OXA1L: variants seen among roughly 807,000 people sequenced by gnomAD.
OXA1L encodes the protein mitochondrial inner membrane protein OXA1L.
In OXA1L, 42 loss-of-function variants were observed where a neutral mutation model predicts 52.2. That is an observed-to-expected ratio of 0.80 (90% CI 0.63 to 1.04). The LOEUF is 1.04. OXA1L is among the 50% of genes least tolerant of loss of function. The pLI, the probability that OXA1L is intolerant of heterozygous loss-of-function variation, is 0.00. For synonymous variants in OXA1L, 239 were observed against 201.9 expected (o/e 1.18, Z -1.56); for missense variants, 572 against 555.0 (o/e 1.03, Z -0.31).
Position 22,772,206 on chromosome 14 carries a change from A to T in OXA1L, c.*648A>T, listed in dbSNP as rs919777691. On this transcript the variant is annotated 3_prime_UTR_variant, in exon 10 of 10. Coordinates refer to ENST00000612549, the MANE Select transcript of OXA1L (RefSeq NM_005015.5). ...GCATTAAGGGTTTAAACTTCCACCC[A>T]GGCGCAGTGGCTCACGCCAGTAATC... 6.7e-6 allele frequency: 1 copy of T among 149,764 alleles called. No individual in the cohort carries two copies. The highest frequency in any genetic ancestry group is 2.2e-4 in the South Asian group (1 of 4,610). 9.3% of individuals were successfully genotyped at this position (149,764 alleles called of 1,614,324 possible).
Position 22,771,450 on chromosome 14 carries a change from C to T in OXA1L, c.1200C>T (p.Thr400=), listed in dbSNP as rs141240791. 5.6e-5 allele frequency: 90 copies of T among 1,614,018 alleles called. No homozygotes were observed. Among genetic ancestry groups the T allele is most frequent in the Non-Finnish European group, 7.4e-5 (87 of 1,180,024 alleles). ...ELAARGPLRQ[T]FTHNPLLQPG... is the part of the protein sequence containing the mutation. ...TCCCCTCAGGTCCTTTACGACAGAC[C>T]TTTACCCACAACCCTCTCCTACAAC... is the stretch of plus-strand genomic sequence containing the variant. The change falls in exon 10 of 10, where the codon ACC becomes ACT. Residue 400 remains threonine, a synonymous_variant. Transcript: ENST00000612549.
intron 3 of OXA1L, among the ~76,000 whole-genome samples, chr14:22,769,247 C>A (rs2038436560): frequency 6.6e-6 from 1 of 152,132 alleles, no homozygotes; most frequent in Non-Finnish European, 1.5e-5. Flanking sequence ...TACTCTCTGC[C>A]CATGATTTCA....
rs543080357 is a variant in OXA1L, at chr14:22,772,989, C to G, written c.*1431C>G. 1 of 261,946 alleles carries G rather than the reference C, an allele frequency of 3.8e-6. No homozygotes were observed. Among genetic ancestry groups the G allele is most frequent in the African/African-American group, 2.3e-5 (1 of 44,094 alleles). The allele number at this position is 261,946 out of a possible 1,614,324, so 16.2% of individuals were successfully genotyped here. On this transcript the variant is annotated 3_prime_UTR_variant, in exon 10 of 10. Transcript: ENST00000612549. ...TTGGCTACAGAGCAAGATCCTGTCT[C>G]AAAAAGGAAGTTCATGTCATTTTTA...
At position 22,770,895 on chromosome 14, in the gene OXA1L, A is replaced by C; in HGVS notation, c.925A>C (p.Met309Leu). The C allele has an allele frequency of 1.9e-6, 3 of 1,614,086 alleles. No homozygotes were observed. The highest frequency in any genetic ancestry group is 2.5e-6 in the Non-Finnish European group (3 of 1,179,924). The change falls in exon 7 of 10, where the codon ATG becomes CTG. Residue 309 changes from methionine to leucine, a missense_variant. By Grantham distance (15) the Met-to-Leu change is conservative (BLOSUM62 2). This residue lies in a region of OXA1L where 244 missense variants were observed against 240.2 expected (regional missense o/e 1.02). Coordinates refer to ENST00000612549, the MANE Select transcript of OXA1L (RefSeq NM_005015.5). ...GCCCCTGATAACCTTGCCCATAACC[A>C]TGCATTTCCCCACGGTATGTAATGC... is the stretch of plus-strand genomic sequence containing the variant. ...MMPLITLPIT[M>L]HFPTAVFMYW...
Position 22,769,937 on chromosome 14 carries a change from GAGTC to G in OXA1L, c.583+7_583+10del. On this transcript the variant is annotated splice_donor_5th_base_variant and intron_variant, in intron 4 of 9. Coordinates refer to ENST00000612549, the MANE Select transcript of OXA1L (RefSeq NM_005015.5). ...GTTAGCAGGAGACCATATTGAGTGT[GAGTC>G]AGTTGCAGAATGAGCGTGGGAGAAG... 1 of 1,614,120 alleles carries G rather than the reference GAGTC, an allele frequency of 6.2e-7. No homozygotes were observed. Among genetic ancestry groups the G allele is most frequent in the Non-Finnish European group, 8.5e-7 (1 of 1,179,978 alleles).
In OXA1L at chr14:22,767,918, G is replaced by C. The variant is rs757684299; in HGVS notation, c.226-40G>C. 18 of 1,487,988 alleles carry C rather than the reference G, an allele frequency of 1.2e-5. No individual in the cohort carries two copies. The Admixed American group carries it at 3.1e-4, about 26-fold the overall frequency. The allele number at this position is 1,487,988 out of a possible 1,614,324, so 92.2% of individuals were successfully genotyped here. On this transcript the variant is annotated intron_variant, in intron 2 of 9. Transcript: ENST00000612549. ...AAAAGATCTCACTTGCTTTGTGTTC[G>C]CTACTGAATAAATATAATACAAGGC...
chr14:22,769,606 A>G (rs528352919), intron 3 of OXA1L, among the ~76,000 whole-genome samples, 185 bp from the exon 4 acceptor site: 10 of 152,320 alleles, frequency 6.6e-5, no homozygotes, highest in Non-Finnish European at 1.0e-4. Context: ...TGTGATGCCA[A>G]ATTAGAGAAC....
At position 22,771,024 on chromosome 14, in the gene OXA1L, T is replaced by G. The variant is rs781313816; in HGVS notation, c.946T>G (p.Phe316Val). ...TCTCTGTGTTCTCACCCAGGCAGTGTTTATGTACTGGCTCTCCTCCAATTT... is the reference window on the plus strand; with the variant it reads ...TCTCTGTGTTCTCACCCAGGCAGTGGTTATGTACTGGCTCTCCTCCAATTT... ...PITMHFPTAVFMYWLSSNLFS... is the reference protein window; with the variant it reads ...PITMHFPTAVVMYWLSSNLFS... Residue 316 changes from phenylalanine to valine, a missense_variant, in exon 8 of 10, where the codon TTT (phenylalanine) becomes GTT (valine). Transcript: ENST00000612549. 6.8e-6 allele frequency: 11 copies of G among 1,614,076 alleles called. No individual in the cohort carries two copies. Among genetic ancestry groups the G allele is most frequent in the Non-Finnish European group, 7.6e-6 (9 of 1,180,024 alleles).
At position 22,770,936 on chromosome 14, in the gene OXA1L, C is replaced by T. The variant is rs148202033; in HGVS notation, c.939+27C>T. ...TATGTAATGCCTTATGGGCTGGCTC[C>T]AAGGCCTTCTGCCTAGCCTAGCCAC... On this transcript the variant is annotated intron_variant, in intron 7 of 9. Transcript: ENST00000612549. 1.5e-3 allele frequency: 2,412 copies of T among 1,611,356 alleles called. 23 individuals are homozygous for T. In the African/African-American group the frequency reaches 0.025, roughly 17 times the overall value.
Position 22,768,100 on chromosome 14 carries a change from G to C in OXA1L, c.368G>C (p.Gly123Ala). 1 of 1,614,170 alleles carries C rather than the reference G, an allele frequency of 6.2e-7. No individual in the cohort carries two copies. Among genetic ancestry groups the C allele is most frequent in the Non-Finnish European group, 8.5e-7 (1 of 1,179,994 alleles). Residue 123 changes from glycine (G) to alanine (A), a missense_variant, in exon 3 of 10, where the codon GGA (glycine) becomes GCA (alanine). Coordinates refer to ENST00000612549, the MANE Select transcript of OXA1L (RefSeq NM_005015.5). ...GGGCTGGGGTCATACACCCCAGTGG[G>C]ACTGATCCAGAATTTACTGGAATTT... ...ELGLGSYTPV[G>A]LIQNLLEFMH... is the part of the protein sequence containing the mutation.
chr14:22,767,506 T>C, intron 2 of OXA1L, 97 bp downstream of exon 2: 1 of 1,070,734 alleles, frequency 9.3e-7, no homozygotes. Flanking sequence ...TGGAGCAGAG[T>C]TCTTGTCCAC....
At chr14:22,767,132 C>T (rs549935861) in intron 1 of OXA1L, 116 bp from the exon 2 acceptor site, 4 of 1,526,078 alleles carry the variant, frequency 2.6e-6, no homozygotes, top group Non-Finnish European at 2.6e-6. Flanking sequence ...AATGTCCTCC[C>T]CTGTAGTGGC....
rs1346001769 is a variant in OXA1L at position 22,771,697 on chromosome 14, G to A, written c.*139G>A. 6.8e-6 allele frequency: 6 copies of A among 885,632 alleles called. No individual in the cohort carries two copies. The highest frequency in any genetic ancestry group is 1.1e-5 in the Non-Finnish European group (6 of 559,444). The allele number at this position is 885,632 out of a possible 1,614,324, so 54.9% of individuals were successfully genotyped here. ...TGTTCATTTTAAAAACGGATTTCAT[G>A]AAACACTCTTGTACTTATGTTTATA... is the stretch of plus-strand genomic sequence containing the variant. On this transcript the variant is annotated 3_prime_UTR_variant, in exon 10 of 10. Coordinates refer to ENST00000612549, the MANE Select transcript of OXA1L (RefSeq NM_005015.5).
Position 22,768,033 on chromosome 14 carries a change from G to A in OXA1L, c.301G>A (p.Asp101Asn). ...VPEVASGETADVVQTAAEQSF... is the reference protein window; with the variant it reads ...VPEVASGETANVVQTAAEQSF... ...TGAGGTGGCTTCTGGAGAGACTGCAGATGTAGTCCAAACTGCTGCAGAGCA... is the reference window on the plus strand; with the variant it reads ...TGAGGTGGCTTCTGGAGAGACTGCAAATGTAGTCCAAACTGCTGCAGAGCA... The change falls in exon 3 of 10, where the codon GAT becomes AAT. Residue 101 changes from aspartate (D) to asparagine (N), a missense_variant. This residue lies in a region of OXA1L where 186 missense variants were observed against 151.8 expected (regional missense o/e 1.23). Transcript: ENST00000612549. The A allele has an allele frequency of 1.9e-6, 3 of 1,614,230 alleles. No individual in the cohort carries two copies. The highest frequency in any genetic ancestry group is 1.3e-5 in the African/African-American group (1 of 75,076).
intron 6 of OXA1L, 90 bp downstream of exon 6, chr14:22,770,715 C>G: frequency 1.9e-6 from 3 of 1,546,694 alleles, no homozygotes; most frequent in Non-Finnish European, 2.7e-6. Flanking sequence ...CCTTCACTTG[C>G]TGGAGAAAGA....
In OXA1L at chr14:22,771,357, T is replaced by A; in HGVS notation, c.1183+9T>A. The A allele has an allele frequency of 1.2e-6, 2 of 1,614,032 alleles. No homozygotes were observed. The highest frequency in any genetic ancestry group is 1.7e-6 in the Non-Finnish European group (2 of 1,179,844). ...GGAGCTAGCAGCCAGGGGTAAATAG[T>A]CCTTTCAGGCCAAATTCTGTCTTTT... On this transcript the variant is annotated intron_variant, in intron 9 of 9. Coordinates refer to ENST00000612549, the MANE Select transcript of OXA1L (RefSeq NM_005015.5).
Position 22,769,926 on chromosome 14 carries a change from A to C in OXA1L, c.575A>C (p.His192Pro). 2 of 1,614,184 alleles carry C rather than the reference A, an allele frequency of 1.2e-6. No individual in the cohort carries two copies. The highest frequency in any genetic ancestry group is 8.5e-7 in the Non-Finnish European group (1 of 1,180,032). ...AGAGAGGCCAAGTTAGCAGGAGACC[A>C]TATTGAGTGTGAGTCAGTTGCAGAA... ...RIREAKLAGD[H>P]IEYYKASSEM... The change falls in exon 4 of 10, where the codon CAT becomes CCT. Residue 192 changes from histidine to proline, a missense_variant. His to Pro is a moderately conservative substitution (Grantham distance 77). Coordinates refer to ENST00000612549, the MANE Select transcript of OXA1L (RefSeq NM_005015.5).
Position 22,767,423 on chromosome 14 carries a change from C to G in OXA1L, c.225+14C>G. 1.3e-6 allele frequency: 2 copies of G among 1,584,116 alleles called. No homozygotes were observed. The highest frequency in any genetic ancestry group is 2.3e-5 in the South Asian group (2 of 87,154). On this transcript the variant is annotated intron_variant, in intron 2 of 9. Coordinates refer to ENST00000612549, the MANE Select transcript of OXA1L (RefSeq NM_005015.5). ...GCAGAAGTCCAGGTAAGAGGCCTTT[C>G]GTTCCTGCAATATTAGGAGTGGTGT...
chr14:22,770,628 A>T lies in OXA1L; in HGVS notation c.834+3A>T, dbSNP rs772846464. 1 of 1,608,606 alleles carries T rather than the reference A, an allele frequency of 6.2e-7. No individual in the cohort carries two copies. Among genetic ancestry groups the T allele is most frequent in the African/African-American group, 1.3e-5 (1 of 74,822 alleles). On this transcript the variant is annotated splice_donor_region_variant and intron_variant, in intron 6 of 9. Transcript: ENST00000612549. ...CTACAATGTGGGCTGTTCTTGAGGT[A>T]AGCCCAGATTGGCCAAGTGCCAGGC...
Sources: allele counts gnomAD v4.1 joint callset (sites outside exome capture counted in the v4.1 genomes callset), GRCh38; gene constraint gnomAD v4.1.1; regional missense constraint gnomAD v4.1.1; transcripts MANE v1.5; gene names NCBI Gene and HGNC (gene_info 2026-07-23, HGNC 2026-07-21).